NRXN2: variants seen among roughly 807,000 people sequenced by gnomAD.
NRXN2 encodes neurexin-2-beta.
Under a neutral mutation model 128.8 loss-of-function variants are expected in NRXN2, and 29 were observed. The observed-to-expected ratio is 0.23, with a 90% confidence interval of 0.17 to 0.31. NRXN2 has a LOEUF of 0.31. NRXN2 is among the 10% of genes least tolerant of loss of function. The pLI is 1.00. For missense variants in NRXN2, 1,881 were observed against 2,452.6 expected, an observed-to-expected ratio of 0.77 and a Z score of 4.92; for synonymous variants, 1,098 against 1,075.2, an observed-to-expected ratio of 1.02 and a Z score of -0.41.
intron 22 of NRXN2, among the ~76,000 whole-genome samples, chr11:64,613,227 T>C (rs2040948699): frequency 6.6e-6 from 1 of 152,240 alleles, no homozygotes; most frequent in African/African-American, 2.4e-5. Flanking sequence ...CCTAGATGGA[T>C]CTGAGCATGA....
intron 22 of NRXN2, among the ~76,000 whole-genome samples, chr11:64,618,302 C>T (rs2041834720): frequency 6.6e-6 from 1 of 152,200 alleles, no homozygotes; most frequent in South Asian, 2.1e-4. Context: ...CATGCCCCTA[C>T]GTGGTGACCA....
intron 2 of NRXN2, among the ~76,000 whole-genome samples, chr11:64,698,347 C>T (rs2054837117): frequency 6.6e-6 from 1 of 152,160 alleles, no homozygotes; most frequent in African/African-American, 2.4e-5. Context: ...CACACAGGAC[C>T]CAACCACCTA....
At chr11:64,663,282 G>A (rs1353742002) in intron 9 of NRXN2, among the ~76,000 whole-genome samples, 3 of 151,448 alleles carry the variant, frequency 2.0e-5, no homozygotes, top group Non-Finnish European at 1.5e-5. Context: ...CAAAAGAATC[G>A]CTTAAACCTG....
At chr11:64,615,731 A>C (rs1235005385) in intron 22 of NRXN2, among the ~76,000 whole-genome samples, 1 of 152,150 alleles carries the variant, frequency 6.6e-6, no homozygotes, top group Non-Finnish European at 1.5e-5. Flanking sequence ...ATGCCCTACA[A>C]GTCTGAGGAT....
chr11:64,630,667 C>T lies in NRXN2; in HGVS notation c.3586-94G>A, dbSNP rs920719460. 1 of 1,442,412 alleles carries T rather than the reference C, an allele frequency of 6.9e-7. No homozygotes were observed. Among genetic ancestry groups the T allele is most frequent in the Admixed American group, 1.8e-5 (1 of 54,708 alleles). 89.4% of individuals were successfully genotyped at this position (1,442,412 alleles called of 1,614,324 possible). A position where few individuals can be genotyped will look rare whatever the true frequency, so the allele number is the denominator to read the frequency against. The stretch of plus-strand genomic sequence containing the variant: ...TGTGACCACCACTAGCCCAGCTCCG[C>T]AGCACTTAAGGCACCTTTCCCAGGT... On this transcript the variant is annotated intron_variant, in intron 18 of 22. Coordinates refer to ENST00000265459, the MANE Select transcript of NRXN2 (RefSeq NM_015080.4). This position sits in a 1 kb window ranked among gnomAD's most constrained non-coding sequence, Gnocchi z 4.6.
chr11:64,686,630 C>G (rs1319052152), intron 5 of NRXN2, among the ~76,000 whole-genome samples: 1 of 152,198 alleles, frequency 6.6e-6, no homozygotes, highest in Non-Finnish European at 1.5e-5. Flanking sequence ...TGGGTGGCCA[C>G]AGCCCCAGCT....
chr11:64,711,291 C>G (rs751274821), intron 2 of NRXN2, among the ~76,000 whole-genome samples: 7 of 152,248 alleles, frequency 4.6e-5, no homozygotes, highest in Non-Finnish European at 8.8e-5. Flanking sequence ...CACACACAAC[C>G]GCTGAGTGGC....
intron 9 of NRXN2, among the ~76,000 whole-genome samples, chr11:64,665,337 ACAGGAAT>A (rs2049688537): frequency 1.3e-5 from 2 of 152,114 alleles, no homozygotes; most frequent in Admixed American, 6.5e-5. Context: ...ATTGGTCAAG[ACAGGAAT>A]CCAAAGACTG....
chr11:64,650,689 G>A (rs1170101406), intron 14 of NRXN2, 51 bp from the exon 15 acceptor site: 2 of 1,568,996 alleles, frequency 1.3e-6, no homozygotes, highest in East Asian at 4.5e-5. Context: ...GTGATGCTGG[G>A]AAGGTGGGGT....
At chr11:64,701,166 G>A (rs1019511851) in intron 2 of NRXN2, among the ~76,000 whole-genome samples, 6 of 152,024 alleles carry the variant, frequency 3.9e-5, no homozygotes, top group South Asian at 2.1e-4. Context: ...TTCATACACC[G>A]CAGCACAACA....
chr11:64,613,856 T>C (rs1441346574), intron 22 of NRXN2, among the ~76,000 whole-genome samples: 1 of 152,076 alleles, frequency 6.6e-6, no homozygotes. Context: ...AAAACCCACA[T>C]AATGCAGTGG....
chr11:64,617,323 C>A (rs1022304990), intron 22 of NRXN2, among the ~76,000 whole-genome samples: 2 of 152,128 alleles, frequency 1.3e-5, no homozygotes, highest in African/African-American at 4.8e-5. Flanking sequence ...GTGCTCTTCT[C>A]TTCCTGCACG....
rs1407738093 is a variant in NRXN2 at position 64,630,434 on chromosome 11, T to A, written c.3725A>T (p.Asp1242Val). 6.2e-7 allele frequency: 1 copy of A among 1,613,186 alleles called. No homozygotes were observed. ...RSGGNATLQV[D>V]SWPVNERYPA... ...GTACCGCTCGTTGACCGGCCAGCTG[T>A]CCACCTGCAGGGTGGCGTTGCCGCC... Residue 1242 changes from aspartate to valine, a missense_variant, in exon 19 of 23, where the codon GAC becomes GTC. By Grantham distance (152) the Asp-to-Val change is radical. Around this residue, in one of 7 missense-constraint regions of NRXN2, gnomAD observed 390 missense variants for 599.6 expected, o/e 0.65. Transcript: ENST00000265459. The surrounding 1 kb of genome is among the most constrained non-coding windows in gnomAD (Gnocchi z 4.6).
chr11:64,638,840 A>G (rs1377450287), intron 17 of NRXN2, among the ~76,000 whole-genome samples: 2 of 152,182 alleles, frequency 1.3e-5, no homozygotes, highest in African/African-American at 2.4e-5. Context: ...CCCATGTCCA[A>G]TATAGTCTCC....
At chr11:64,705,711 C>T (rs2056174948) in intron 2 of NRXN2, among the ~76,000 whole-genome samples, 1 of 151,904 alleles carries the variant, frequency 6.6e-6, no homozygotes, top group Non-Finnish European at 1.5e-5. Context: ...CAAGAGGCAC[C>T]ACCACTTAAC....
At chr11:64,671,003 C>A (rs150518068) in intron 7 of NRXN2, among the ~76,000 whole-genome samples, 5 of 152,304 alleles carry the variant, frequency 3.3e-5, no homozygotes, top group South Asian at 2.1e-4. Context: ...AAGTCACCCT[C>A]CCTTTGCACT....
At chr11:64,708,747 G>A (rs2056593633) in intron 2 of NRXN2, among the ~76,000 whole-genome samples, 1 of 152,156 alleles carries the variant, frequency 6.6e-6, no homozygotes, top group Non-Finnish European at 1.5e-5. Context: ...TTTTTCTAAT[G>A]TATATTTTAT....
At chr11:64,652,843 T>A (rs920206401) in intron 12 of NRXN2, among the ~76,000 whole-genome samples, 2 of 152,128 alleles carry the variant, frequency 1.3e-5, no homozygotes, top group African/African-American at 4.8e-5. Context: ...AAGACCAGGA[T>A]TATCAGCTTC....
chr11:64,657,658 C>A (rs1352602714), intron 11 of NRXN2, among the ~76,000 whole-genome samples: 2 of 152,134 alleles, frequency 1.3e-5, no homozygotes. Flanking sequence ...GTAAAAGATA[C>A]CAAAGTTAGG....
Sources: allele counts gnomAD v4.1 joint callset (sites outside exome capture counted in the v4.1 genomes callset), GRCh38; gene constraint gnomAD v4.1.1; regional missense constraint gnomAD v4.1.1; non-coding constraint Gnocchi (gnomAD v3.1); transcripts MANE v1.5; gene names NCBI Gene and HGNC (gene_info 2026-07-23, HGNC 2026-07-21).